The following BRPF1 variants were observed in gnomAD, a reference collection of about 807,000 sequenced individuals.
BRPF1 encodes bromodomain and PHD finger containing 1, also known as peregrin.
Under a neutral mutation model 115.0 loss-of-function variants are expected in BRPF1, and 15 were observed. That is an observed-to-expected ratio of 0.13 (90% CI 0.09 to 0.20). The LOEUF (loss-of-function observed/expected upper bound fraction) is 0.20. Ranked by LOEUF, BRPF1 falls within the 10% of genes least tolerant of loss-of-function variation. The pLI is 1.00. For missense variants in BRPF1, 1,118 were observed against 1,638.3 expected (o/e 0.68, Z 5.48); for synonymous variants, 647 against 619.8 (o/e 1.04, Z -0.65).
intron 2 of BRPF1, among the ~76,000 whole-genome samples, chr3:9,738,517 G>A (rs1379256061): frequency 2.0e-5 from 3 of 152,170 alleles, no homozygotes; most frequent in African/African-American, 4.8e-5. Context: ...AGCTCTAGTC[G>A]AGGCCCTGCC....
In BRPF1 at chr3:9,743,876, G is replaced by A. The variant is rs781093234; in HGVS notation, c.2610G>A (p.Glu870=). ...GGCAGACAGATAGTGCGGCAGAGGA[G>A]AGCAGCAGCCAGGAGACAAGCAAAG... ...KDGQTDSAAE[E]SSSQETSKGL... is the part of the protein sequence containing the mutation. Residue 870 remains glutamate, a synonymous_variant, in exon 8 of 14, where the codon GAG becomes GAA. Coordinates refer to ENST00000383829, the MANE Select transcript of BRPF1 (RefSeq NM_001003694.2). The surrounding 1 kb of genome is among the most constrained non-coding windows in gnomAD (Gnocchi z 6.1). 1.3e-6 allele frequency: 2 copies of A among 1,584,986 alleles called. No individual in the cohort carries two copies. The highest frequency in any genetic ancestry group is 2.3e-5 in the South Asian group (2 of 87,774).
Position 9,746,467 on chromosome 3 carries a change from G to C in BRPF1, c.3479+13G>C. 6.4e-7 allele frequency: 1 copy of C among 1,555,052 alleles called. No individual in the cohort carries two copies. Among genetic ancestry groups the C allele is most frequent in the Non-Finnish European group, 8.7e-7 (1 of 1,143,032 alleles). ...ACAAACGAACCTGGTAAGGAGGGGA[G>C]CATTTGGTGTGACTCACAGCCACAG... On this transcript the variant is annotated intron_variant, in intron 13 of 13. Coordinates refer to ENST00000383829, the MANE Select transcript of BRPF1 (RefSeq NM_001003694.2).
chr3:9,742,594 A>T, intron 6 of BRPF1: 1 of 970,786 alleles, frequency 1.0e-6, no homozygotes, highest in Non-Finnish European at 1.2e-6. Flanking sequence ...ACTGTTAAGT[A>T]AAAAGAGCTG....
In BRPF1 at chr3:9,745,757, G is replaced by T. The variant is rs2077113872; in HGVS notation, c.3205+48G>T. 6.2e-7 allele frequency: 1 copy of T among 1,611,168 alleles called. No homozygotes were observed. Among genetic ancestry groups the T allele is most frequent in the Non-Finnish European group, 8.5e-7 (1 of 1,177,546 alleles). ...AGGGATGCTGGGGACCCAGTGTCAG[G>T]GTCTCGCCAGCCCCCCAGCTGCTGA... On this transcript the variant is annotated intron_variant, in intron 11 of 13. Transcript: ENST00000383829. This position sits in a 1 kb window ranked among gnomAD's most constrained non-coding sequence, Gnocchi z 5.1.
Position 9,734,193 on chromosome 3 carries a change from A to G in BRPF1, c.53A>G (p.Lys18Arg). ...TTCTGCCACAACTTGCGGGCGACTA[A>G]GCCACCATACGAGTGCCCGGTGGAG... ...KTFCHNLRATKPPYECPVETC... is the reference protein window; with the variant it reads ...KTFCHNLRATRPPYECPVETC... Residue 18 changes from lysine to arginine, a missense_variant, in exon 2 of 14, where the codon AAG (lysine) becomes AGG (arginine). Physicochemically the swap from Lys to Arg is conservative, Grantham distance 26. Coordinates refer to ENST00000383829, the MANE Select transcript of BRPF1 (RefSeq NM_001003694.2). The surrounding 1 kb of genome is among the most constrained non-coding windows in gnomAD (Gnocchi z 5.7). The G allele has an allele frequency of 1.2e-6, 2 of 1,613,428 alleles. No homozygotes were observed. Among genetic ancestry groups the G allele is most frequent in the Non-Finnish European group, 1.7e-6 (2 of 1,179,538 alleles).
chr3:9,741,735 C>T (rs931412232), intron 5 of BRPF1, among the ~76,000 whole-genome samples: 1 of 151,846 alleles, frequency 6.6e-6, no homozygotes, highest in African/African-American at 2.4e-5. Context: ...TCCTGGTGCT[C>T]GGTGTGCTTT....
At position 9,743,462 on chromosome 3, in the gene BRPF1, G is replaced by A; in HGVS notation, c.2312-116G>A. On this transcript the variant is annotated intron_variant, in intron 7 of 13. Coordinates refer to ENST00000383829, the MANE Select transcript of BRPF1 (RefSeq NM_001003694.2). This position sits in a 1 kb window ranked among gnomAD's most constrained non-coding sequence, Gnocchi z 6.1. Reference sequence around the variant, plus strand: ...CACATCTTGGTGCTGCTATTTTACAGCTGTTCCTGGTGAGAAGCCCAGGGG... The same window carrying A: ...CACATCTTGGTGCTGCTATTTTACAACTGTTCCTGGTGAGAAGCCCAGGGG... 1 of 1,304,204 alleles carries A rather than the reference G, an allele frequency of 7.7e-7. No homozygotes were observed. Among genetic ancestry groups the A allele is most frequent in the South Asian group, 1.4e-5 (1 of 70,422 alleles). The allele number at this position is 1,304,204 out of a possible 1,614,324, so 80.8% of individuals were successfully genotyped here.
At position 9,739,229 on chromosome 3, in the gene BRPF1, G is replaced by C; in HGVS notation, c.830G>C (p.Cys277Ser). The change falls in exon 3 of 14, where the codon TGT (cysteine) becomes TCT (serine). Residue 277 changes from cysteine to serine, a missense_variant. Transcript: ENST00000383829. ...NALVDEDAVC[C>S]ICNDGECQNS... is the part of the protein sequence containing the mutation. ...CTAGTGGACGAGGATGCTGTTTGCT[G>C]TATCTGCAATGATGGTGAGTGCCAG... The C allele has an allele frequency of 6.2e-7, 1 of 1,613,614 alleles. No individual in the cohort carries two copies. The highest frequency in any genetic ancestry group is 8.5e-7 in the Non-Finnish European group (1 of 1,179,578).
intron 1 of BRPF1, chr3:9,733,461 C>G (rs1203401649): frequency 1.3e-5 from 2 of 152,286 alleles, no homozygotes; most frequent in African/African-American, 4.8e-5. Flanking sequence ...CCTTGCTACA[C>G]AGCTCCCAGT....
Position 9,743,459 on chromosome 3 carries a change from A to G in BRPF1, c.2312-119A>G. On this transcript the variant is annotated intron_variant, in intron 7 of 13. Transcript: ENST00000383829. This position sits in a 1 kb window ranked among gnomAD's most constrained non-coding sequence, Gnocchi z 6.1. ...TTCCACATCTTGGTGCTGCTATTTTACAGCTGTTCCTGGTGAGAAGCCCAG... is the reference window on the plus strand; with the variant it reads ...TTCCACATCTTGGTGCTGCTATTTTGCAGCTGTTCCTGGTGAGAAGCCCAG... The G allele has an allele frequency of 7.8e-7, 1 of 1,279,948 alleles. No homozygotes were observed. Among genetic ancestry groups the G allele is most frequent in the Non-Finnish European group, 1.1e-6 (1 of 921,408 alleles). The allele number at this position is 1,279,948 out of a possible 1,614,324, so 79.3% of individuals were successfully genotyped here.
Position 9,743,636 on chromosome 3 carries a change from A to G in BRPF1, c.2370A>G (p.Glu790=). 3 of 1,613,966 alleles carry G rather than the reference A, an allele frequency of 1.9e-6. No homozygotes were observed. Among genetic ancestry groups the G allele is most frequent in the Non-Finnish European group, 2.5e-6 (3 of 1,179,982 alleles). Residue 790 remains glutamate (E), a synonymous_variant, in exon 8 of 14, where the codon GAA becomes GAG. Coordinates refer to ENST00000383829, the MANE Select transcript of BRPF1 (RefSeq NM_001003694.2). This position sits in a 1 kb window ranked among gnomAD's most constrained non-coding sequence, Gnocchi z 6.1. ...LENQKHLPVE[E]QLKLLLERLD... ...ACCAGAAGCACCTGCCAGTGGAAGA[A>G]CAGCTAAAGCTGCTTCTGGAGCGGC... is the stretch of plus-strand genomic sequence containing the variant.
intron 5 of BRPF1, 96 bp from the exon 6 acceptor site, chr3:9,741,929 G>T: frequency 6.9e-7 from 1 of 1,442,286 alleles, no homozygotes; most frequent in South Asian, 1.3e-5. Flanking sequence ...GGGTGGGAAA[G>T]AAGGCGGGTT....
rs1013370796 is a variant in BRPF1, at chr3:9,744,068, G to A, written c.2636-156G>A. 2.0e-5 allele frequency among the ~76,000 whole-genome samples: 3 copies of A among 152,166 alleles called. No individual in the cohort carries two copies. The East Asian group carries it at 5.8e-4, about 29-fold the overall frequency. ...CTCTTAGCTGCCTCTCTGGCTATTT[G>A]TATAAGAGTTAATCTTCCAAATTCC... On this transcript the variant is annotated intron_variant, in intron 8 of 13. Coordinates refer to ENST00000383829, the MANE Select transcript of BRPF1 (RefSeq NM_001003694.2).
rs770395281 is a variant in BRPF1, at chr3:9,741,367, C to G, written c.1782C>G (p.Leu594=). 53 of 1,609,300 alleles carry G rather than the reference C, an allele frequency of 3.3e-5. No homozygotes were observed. Among genetic ancestry groups the G allele is most frequent in the Non-Finnish European group, 4.3e-5 (51 of 1,176,668 alleles). ...LKEQLKSWQR[L]RHDLERARLL... Reference sequence around the variant, plus strand: ...AACAGCTCAAGTCCTGGCAGCGGCTCCGGCATGACTTGGAGCGAGCTCGGC... The same window carrying G: ...AACAGCTCAAGTCCTGGCAGCGGCTGCGGCATGACTTGGAGCGAGCTCGGC... Residue 594 remains leucine, a synonymous_variant, in exon 5 of 14, where the codon CTC becomes CTG. Coordinates refer to ENST00000383829, the MANE Select transcript of BRPF1 (RefSeq NM_001003694.2).
chr3:9,744,256 C>T lies in BRPF1; in HGVS notation c.2668C>T (p.His890Tyr), dbSNP rs757645490. ...TCCCAACATGTCCTCAACCCCCGCACATGAGGTGGGCAGGAGAACCTCAGT... is the reference window on the plus strand; with the variant it reads ...TCCCAACATGTCCTCAACCCCCGCATATGAGGTGGGCAGGAGAACCTCAGT... ...LGPNMSSTPA[H>Y]EVGRRTSVLF... Residue 890 changes from histidine (H) to tyrosine (Y), a missense_variant, in exon 9 of 14, where the codon CAT (histidine) becomes TAT (tyrosine). His to Tyr is a moderately conservative substitution (Grantham distance 83). Coordinates refer to ENST00000383829, the MANE Select transcript of BRPF1 (RefSeq NM_001003694.2). 2 of 1,578,540 alleles carry T rather than the reference C, an allele frequency of 1.3e-6. No individual in the cohort carries two copies. Among genetic ancestry groups the T allele is most frequent in the Admixed American group, 1.9e-5 (1 of 53,396 alleles).
At chr3:9,741,241 C>T (rs1575158986) in intron 4 of BRPF1, 67 bp from the exon 5 acceptor site, 2 of 1,511,094 alleles carry the variant, frequency 1.3e-6, no homozygotes, top group Non-Finnish European at 1.8e-6. Flanking sequence ...TTCCTGGGCT[C>T]TCTTCTCCCT....
chr3:9,740,691 TTC>T, intron 3 of BRPF1, 86 bp from the exon 4 acceptor site: 1 of 1,502,998 alleles, frequency 6.7e-7, no homozygotes, highest in South Asian at 1.2e-5. Context: ...TTCATCCCCA[TTC>T]AGGAACTTTC....
intron 1 of BRPF1, 149 bp from the exon 2 acceptor site, chr3:9,733,982 A>G (rs750721560): frequency 5.3e-4 from 702 of 1,333,874 alleles, no homozygotes; most frequent in Non-Finnish European, 6.4e-4. Flanking sequence ...GCTATGGTGG[A>G]GGAGATGGCA....
In BRPF1 at chr3:9,740,832, A is replaced by G. The variant is rs1298078251; in HGVS notation, c.1613A>G (p.Gln538Arg). ...LTIQRKSQFMQRLHSYWTLKR... is the reference protein window; with the variant it reads ...LTIQRKSQFMRRLHSYWTLKR... ...ATCCAAAGGAAGAGCCAGTTCATGCAGAGGCTGCACAGCTACTGGACACTG... is the reference window on the plus strand; with the variant it reads ...ATCCAAAGGAAGAGCCAGTTCATGCGGAGGCTGCACAGCTACTGGACACTG... The change falls in exon 4 of 14, where the codon CAG (glutamine) becomes CGG (arginine). Residue 538 changes from glutamine (Q) to arginine (R), a missense_variant. By Grantham distance (43) the Gln-to-Arg change is conservative. Transcript: ENST00000383829. 6.2e-7 allele frequency: 1 copy of G among 1,614,172 alleles called. No individual in the cohort carries two copies.
Sources: allele counts gnomAD v4.1 joint callset (sites outside exome capture counted in the v4.1 genomes callset), GRCh38; gene constraint gnomAD v4.1.1; non-coding constraint Gnocchi (gnomAD v3.1); transcripts MANE v1.5; gene names NCBI Gene and HGNC (gene_info 2026-07-23, HGNC 2026-07-21).